TPRG1: variants seen among roughly 807,000 people sequenced by gnomAD.
TPRG1 encodes the protein tumor protein p63-regulated gene 1 protein.
A neutral mutation model predicts 29.3 loss-of-function variants in TPRG1; 29 were observed. The observed-to-expected ratio is 0.99, with a 90% CI of 0.74 to 1.35. The LOEUF is 1.35. Ranked by LOEUF, TPRG1 falls within the 40% of genes most tolerant of loss-of-function variation. The pLI, the probability that TPRG1 is intolerant of heterozygous loss-of-function variation, is 0.00. For missense variants in TPRG1, 327 were observed against 335.0 expected (o/e 0.98, Z 0.19); for synonymous variants, 130 against 116.8 (o/e 1.11, Z -0.73).
intron 3 of TPRG1, among the ~76,000 whole-genome samples, chr3:189,235,261 G>T (rs1169087920): frequency 1.2e-4 from 18 of 147,964 alleles, no homozygotes; most frequent in African/African-American, 4.5e-4. Context: ...CTGCAGTAGG[G>T]TGAAGGGATT....
chr3:189,003,590 G>C (rs1263166301), intron 2 of TPRG1, among the ~76,000 whole-genome samples: 1 of 152,106 alleles, frequency 6.6e-6, no homozygotes, highest in Non-Finnish European at 1.5e-5. Context: ...GCTCTGGCTT[G>C]TATATTGATT....
chr3:189,310,153 C>G (rs537434957), intron 4 of TPRG1: 10 of 315,564 alleles, frequency 3.2e-5, no homozygotes, highest in Non-Finnish European at 5.9e-5. Flanking sequence ...AGCCACTGTT[C>G]TGAGTGTCAG....
At chr3:189,304,545 G>A (rs993978453) in intron 4 of TPRG1, among the ~76,000 whole-genome samples, 4 of 152,166 alleles carry the variant, frequency 2.6e-5, no homozygotes, top group Non-Finnish European at 5.9e-5. Flanking sequence ...GCAGATAAAG[G>A]CAGCACCTGC....
chr3:189,298,809 G>GA (rs1221756961), intron 4 of TPRG1, among the ~76,000 whole-genome samples: 2 of 152,188 alleles, frequency 1.3e-5, no homozygotes, highest in Non-Finnish European at 2.9e-5. Context: ...AGCTGAAAGA[G>GA]AAAACAAATG....
At chr3:189,300,013 G>T (rs1462501695) in intron 4 of TPRG1, among the ~76,000 whole-genome samples, 1 of 152,158 alleles carries the variant, frequency 6.6e-6, no homozygotes, top group African/African-American at 2.4e-5. Flanking sequence ...ACACTATGGA[G>T]CAAGGTAGAG....
intron 4 of TPRG1, among the ~76,000 whole-genome samples, chr3:189,038,017 T>A (rs753107845): frequency 6.6e-6 from 1 of 151,504 alleles, no homozygotes; most frequent in Non-Finnish European, 1.5e-5. Flanking sequence ...AAAAAATGTA[T>A]AGAATTCCAA....
intron 4 of TPRG1, among the ~76,000 whole-genome samples, chr3:189,258,823 C>T (rs939213607): frequency 2.6e-5 from 4 of 152,164 alleles, no homozygotes; most frequent in Admixed American, 2.6e-4. Flanking sequence ...ACTGCCTACT[C>T]AAGCCTTAGT....
rs184930903 is a variant in TPRG1 at position 189,119,918 on chromosome 3, C to T, written c.-743-7139C>T. Among the ~76,000 whole-genome samples the T allele has an allele frequency of 9.2e-5, 14 of 152,242 alleles. No individual in the cohort carries two copies. In the South Asian group the frequency reaches 2.3e-3, roughly 25 times the overall value. ...TCCACCGGAGCGCCTCTGGCTCAGC[C>T]GTGGCAGACACAGTGGAGGCTATGC... On this transcript the variant is annotated intron_variant, in intron 1 of 6. Transcript: ENST00000412373.
intron 1 of TPRG1, among the ~76,000 whole-genome samples, chr3:189,204,563 T>C (rs987967058): frequency 2.6e-5 from 4 of 152,174 alleles, no homozygotes; most frequent in Non-Finnish European, 5.9e-5. Context: ...AGTTTCCTTC[T>C]TTCCTGGATC....
chr3:189,232,109 A>G (rs1386424712), intron 3 of TPRG1, among the ~76,000 whole-genome samples: 1 of 152,180 alleles, frequency 6.6e-6, no homozygotes, highest in African/African-American at 2.4e-5. Flanking sequence ...CTGGAACAAT[A>G]TGATGGAACT....
intron 5 of TPRG1, among the ~76,000 whole-genome samples, chr3:189,164,600 A>G (rs1477769720): frequency 9.1e-6 from 1 of 109,776 alleles, no homozygotes; most frequent in Non-Finnish European, 1.7e-5. Context: ...GAAAATTGAA[A>G]TAAGCTAAAA....
chr3:189,013,930 T>C (rs1712783400), intron 3 of TPRG1, among the ~76,000 whole-genome samples: 2 of 152,178 alleles, frequency 1.3e-5, no homozygotes, highest in African/African-American at 4.8e-5. Flanking sequence ...GAAGATAGCA[T>C]TGCAGTGGGT....
chr3:189,208,965 C>T (rs7618667), intron 2 of TPRG1, among the ~76,000 whole-genome samples: 51,374 of 151,896 alleles, frequency 0.34, 8,832 homozygotes, highest in South Asian at 0.52. Flanking sequence ...AATCAGTTGG[C>T]AGTTGTGAAG....
chr3:189,013,268 C>T (rs989543463), intron 3 of TPRG1, among the ~76,000 whole-genome samples: 1 of 152,090 alleles, frequency 6.6e-6, no homozygotes, highest in African/African-American at 2.4e-5. Context: ...ACCTTAATTT[C>T]ATTATTTACC....
chr3:189,030,915 A>G (rs1226087440), intron 4 of TPRG1, among the ~76,000 whole-genome samples: 1 of 152,166 alleles, frequency 6.6e-6, no homozygotes, highest in African/African-American at 2.4e-5. Flanking sequence ...CAGCACCTTA[A>G]CCCAGACTAT....
At chr3:189,074,835 G>A (rs1364825526) in intron 4 of TPRG1, among the ~76,000 whole-genome samples, 3 of 150,168 alleles carry the variant, frequency 2.0e-5, no homozygotes, top group Non-Finnish European at 4.4e-5. Context: ...TTCTTGAGAC[G>A]GAGTCTCGCT....
intron 5 of TPRG1, among the ~76,000 whole-genome samples, chr3:189,312,112 TC>T (rs1722642137): frequency 1.4e-5 from 1 of 72,052 alleles, no homozygotes; most frequent in African/African-American, 7.2e-5. Context: ...TTTGTTTCTT[TC>T]TTTGTTTCTT....
chr3:189,004,058 G>A (rs1324509631), intron 2 of TPRG1, among the ~76,000 whole-genome samples: 1 of 152,104 alleles, frequency 6.6e-6, no homozygotes, highest in Non-Finnish European at 1.5e-5. Flanking sequence ...GAAAACTGAT[G>A]CTGCTGAAGG....
chr3:189,022,762 G>C (rs1464550651), intron 3 of TPRG1, among the ~76,000 whole-genome samples: 8 of 152,368 alleles, frequency 5.3e-5, no homozygotes, highest in African/African-American at 9.6e-5. Flanking sequence ...CCACCCAGTT[G>C]GAACTTCCCG....
Sources: allele counts gnomAD v4.1 joint callset (sites outside exome capture counted in the v4.1 genomes callset), GRCh38; gene constraint gnomAD v4.1.1; transcripts MANE v1.5; gene names NCBI Gene and HGNC (gene_info 2026-07-23, HGNC 2026-07-21).